SMC3: variants seen among roughly 807,000 people sequenced by gnomAD.
SMC3 encodes the protein structural maintenance of chromosomes 3, also known as structural maintenance of chromosomes protein 3.
A neutral mutation model predicts 171.8 loss-of-function variants in SMC3; 20 were observed. The ratio of observed to expected loss-of-function variants is 0.12; its 90% CI spans 0.08 to 0.17. SMC3 has a LOEUF of 0.17. Ranked by LOEUF, SMC3 falls within the 10% of genes least tolerant of loss-of-function variation. SMC3 has a pLI of 1.00. For synonymous variants in SMC3, 464 were observed against 451.1 expected (o/e 1.03, Z -0.36); for missense variants, 543 against 1,420.4 (o/e 0.38, Z 9.93).
chr10:110,598,146 T>C lies in SMC3; in HGVS notation c.2124T>C (p.Asn708=). 6.2e-7 allele frequency: 1 copy of C among 1,613,704 alleles called. No homozygotes were observed. The highest frequency in any genetic ancestry group is 8.5e-7 in the Non-Finnish European group (1 of 1,179,816). The change falls in exon 20 of 29, where the codon AAT becomes AAC. Residue 708 remains asparagine (N), a synonymous_variant. Coordinates refer to ENST00000361804, the MANE Select transcript of SMC3 (RefSeq NM_005445.4). ...TTCCTTAGCCTTGTATATGGATTAATAATGAAATTGATCAGTTGATGAACC... is the reference window on the plus strand; with the variant it reads ...TTCCTTAGCCTTGTATATGGATTAACAATGAAATTGATCAGTTGATGAACC... ...ENLRRNIERI[N]NEIDQLMNQM...
At chr10:110,582,175 C>T in intron 9 of SMC3, 77 bp downstream of exon 9, 2 of 1,222,850 alleles carry the variant, frequency 1.6e-6, no homozygotes, top group South Asian at 2.5e-5. Context: ...GCCATAATTA[C>T]ACTTTTCAGT....
intron 16 of SMC3, among the ~76,000 whole-genome samples, chr10:110,590,777 C>T (rs564919913): frequency 5.3e-5 from 8 of 152,186 alleles, no homozygotes; most frequent in East Asian, 3.9e-4. Flanking sequence ...TCTCCCTCCC[C>T]GCCATTGGAA....
intron 15 of SMC3, among the ~76,000 whole-genome samples, 184 bp downstream of exon 15, chr10:110,590,175 C>T (rs768165081): frequency 7.9e-5 from 12 of 152,136 alleles, no homozygotes; most frequent in Non-Finnish European, 1.0e-4. Context: ...CTATTAATAG[C>T]ACTTTTGATG....
At chr10:110,600,616 TCAGAGGCTCTGATTGAAAG>T in intron 22 of SMC3, 70 bp downstream of exon 22, 1 of 820,324 alleles carries the variant, frequency 1.2e-6, no homozygotes, top group South Asian at 1.4e-5. Context: ...AGTGGTTATA[TCAGAGGCTCTGATTGAAAG>T]CATGGGCTTT....
intron 8 of SMC3, among the ~76,000 whole-genome samples, chr10:110,581,528 T>G (rs1861029945): frequency 1.3e-5 from 2 of 152,178 alleles, no homozygotes; most frequent in African/African-American, 4.8e-5. Flanking sequence ...GCACACTGAC[T>G]TTTTAAAAGG....
chr10:110,590,072 G>T (rs1457438877), intron 15 of SMC3, 81 bp downstream of exon 15: 4 of 1,231,682 alleles, frequency 3.2e-6, no homozygotes, highest in African/African-American at 1.5e-5. Context: ...ACCTTTCAAG[G>T]TGTAGGTCAT....
At chr10:110,594,403 A>ATT (rs1201836626) in intron 18 of SMC3, among the ~76,000 whole-genome samples, 1 of 152,092 alleles carries the variant, frequency 6.6e-6, no homozygotes, top group East Asian at 1.9e-4. Context: ...TGAAGTACTG[A>ATT]TACATGTAAA....
At chr10:110,598,323 T>G (rs1269752427) in intron 20 of SMC3, 33 bp downstream of exon 20, 1 of 1,583,310 alleles carries the variant, frequency 6.3e-7, no homozygotes, top group East Asian at 2.2e-5. Context: ...ATAGATCGAT[T>G]GTTACAGATT....
At chr10:110,573,529 G>T (rs1860903806) in intron 2 of SMC3, among the ~76,000 whole-genome samples, 178 bp from the exon 3 acceptor site, 1 of 149,690 alleles carries the variant, frequency 6.7e-6, no homozygotes, top group African/African-American at 2.5e-5. Flanking sequence ...TACAAAAATT[G>T]AATTTATTTG....
In SMC3 at chr10:110,589,136, TCTC is replaced by T. The variant is rs1590560755; in HGVS notation, c.1306-468_1306-466del. On this transcript the variant is annotated intron_variant, in intron 13 of 28. Transcript: ENST00000361804. ...CGGGCGCAGTGTCTCACGCCTGTAA[TCTC>T]AGCACTTTGGGAGGCCGAGACGGGC... is the stretch of plus-strand genomic sequence containing the variant. Among the ~76,000 whole-genome samples, 17 of 152,274 alleles carry T rather than the reference TCTC, an allele frequency of 1.1e-4. No homozygotes were observed. The East Asian group carries it at 3.3e-3, about 29-fold the overall frequency.
intron 17 of SMC3, among the ~76,000 whole-genome samples, chr10:110,592,805 A>T (rs573607178): frequency 3.0e-4 from 45 of 152,308 alleles, no homozygotes; most frequent in African/African-American, 1.1e-3. Flanking sequence ...TGGTGAAACG[A>T]GTGTTTGAAT....
chr10:110,577,293 T>C, intron 4 of SMC3, 128 bp from the exon 5 acceptor site: 2 of 714,066 alleles, frequency 2.8e-6, no homozygotes, highest in Non-Finnish European at 5.1e-6. Context: ...TGTGTGTGTA[T>C]ATATGAATCT....
intron 12 of SMC3, 66 bp downstream of exon 12, chr10:110,584,028 G>A (rs1193446159): frequency 6.3e-7 from 1 of 1,585,222 alleles, no homozygotes; most frequent in Non-Finnish European, 8.6e-7. Context: ...GTTGTCCGAG[G>A]AGCTCAATTA....
intron 13 of SMC3, 142 bp downstream of exon 13, chr10:110,584,538 G>A (rs1861079500): frequency 4.7e-6 from 3 of 641,536 alleles, no homozygotes; most frequent in Admixed American, 5.8e-5. Context: ...GAAAAGGCCT[G>A]CACAGTTTAA....
At chr10:110,575,563 C>A (rs1860934212) in intron 4 of SMC3, among the ~76,000 whole-genome samples, 160 bp downstream of exon 4, 1 of 152,174 alleles carries the variant, frequency 6.6e-6, no homozygotes, top group Non-Finnish European at 1.5e-5. Context: ...TTTAGCCTAA[C>A]ATATTAATGC....
intron 13 of SMC3, among the ~76,000 whole-genome samples, chr10:110,588,514 GC>G (rs2134734008): frequency 6.6e-6 from 1 of 152,270 alleles, no homozygotes; most frequent in South Asian, 2.1e-4. Flanking sequence ...GCAGTTTGAA[GC>G]CCTTCCCCTG....
rs1336572548 is a variant in SMC3 at position 110,605,783 on chromosome 10, A to T, written c.*1481A>T. 6.6e-6 allele frequency among the ~76,000 whole-genome samples: 1 copy of T among 152,160 alleles called. No individual in the cohort carries two copies. Among genetic ancestry groups the T allele is most frequent in the Non-Finnish European group, 1.5e-5 (1 of 68,018 alleles). On this transcript the variant is annotated 3_prime_UTR_variant, in exon 29 of 29. Transcript: ENST00000361804. ...ATTTTTCTTACACATTTACCCAAGAATTTTTCTCAAACAACTACCTAAGAA... is the reference window on the plus strand; with the variant it reads ...ATTTTTCTTACACATTTACCCAAGATTTTTTCTCAAACAACTACCTAAGAA...
At chr10:110,574,912 A>G (rs148954252) in intron 3 of SMC3, among the ~76,000 whole-genome samples, 323 of 152,358 alleles carry the variant, frequency 2.1e-3, no homozygotes, top group Non-Finnish European at 3.2e-3. Flanking sequence ...TTGGTAAAGT[A>G]TCCACTTAAG....
intron 28 of SMC3, 22 bp from the exon 29 acceptor site, chr10:110,604,203 ATTTTTG>A (rs1456846585): frequency 6.7e-7 from 1 of 1,499,880 alleles, no homozygotes; most frequent in African/African-American, 1.4e-5. Context: ...TAATTAACAG[ATTTTTG>A]TTTTTAACAT....
Sources: gnomAD v4.1 joint callset for allele counts (sites outside exome capture counted in the v4.1 genomes callset) on GRCh38, gnomAD v4.1.1 for gene constraint, MANE v1.5 for transcripts, NCBI Gene and HGNC (gene_info 2026-07-23, HGNC 2026-07-21) for gene names.